Variants in CSDC2 observed in about 807,000 individuals in gnomAD.
The protein encoded by CSDC2 is cold shock domain containing C2, also known as cold shock domain-containing protein C2.
In CSDC2, 8 loss-of-function variants were observed where a neutral mutation model predicts 15.8. The observed-to-expected ratio is 0.51, with a 90% CI of 0.30 to 0.92. The LOEUF (loss-of-function observed/expected upper bound fraction) is 0.92. Among genes scored for constraint, CSDC2 ranks in the 40% least tolerant of loss-of-function variants. The pLI is 0.07. For synonymous variants in CSDC2, 96 were observed against 92.3 expected (o/e 1.04, Z -0.23); for missense variants, 195 against 213.3 (o/e 0.91, Z 0.53).
At chr22:41,562,642 C>T (rs943659938) in intron 1 of CSDC2, among the ~76,000 whole-genome samples, 1 of 152,092 alleles carries the variant, frequency 6.6e-6, no homozygotes, top group Admixed American at 6.5e-5. Context: ...GGGTAGAGGG[C>T]GCTCAGGACC....
chr22:41,565,896 CAG>C (rs776892236), intron 1 of CSDC2, among the ~76,000 whole-genome samples: 3 of 152,186 alleles, frequency 2.0e-5, no homozygotes, highest in Admixed American at 6.5e-5. Context: ...GGCCGGGGGA[CAG>C]GGGGATGCAC....
intron 1 of CSDC2, among the ~76,000 whole-genome samples, chr22:41,569,894 C>T (rs150114019): frequency 1.4e-3 from 218 of 151,650 alleles, no homozygotes; most frequent in African/African-American, 5.2e-3. Context: ...ATTCTCATGC[C>T]TCAGCCTTCT....
intron 1 of CSDC2, among the ~76,000 whole-genome samples, chr22:41,564,033 G>A (rs867346878): frequency 5.4e-5 from 8 of 148,834 alleles, no homozygotes; most frequent in African/African-American, 9.9e-5. Context: ...GCAGTGAGCC[G>A]AGATCGCACC....
At chr22:41,566,677 C>T (rs1293386798) in intron 1 of CSDC2, among the ~76,000 whole-genome samples, 4 of 148,314 alleles carry the variant, frequency 2.7e-5, no homozygotes, top group Non-Finnish European at 4.4e-5. Flanking sequence ...CAGTGGCTCA[C>T]GCCTGTAATC....
chr22:41,571,002 AAGGATC>A (rs2067142946), intron 1 of CSDC2, among the ~76,000 whole-genome samples: 1 of 151,204 alleles, frequency 6.6e-6, no homozygotes. Context: ...AAAAAAAACA[AAGGATC>A]AATGCTAGCC....
Position 41,572,128 on chromosome 22 carries a change from A to G in CSDC2, c.163A>G (p.Arg55Gly). 1 of 1,334,282 alleles carries G rather than the reference A, an allele frequency of 7.5e-7. No individual in the cohort carries two copies. The highest frequency in any genetic ancestry group is 2.6e-5 in the South Asian group (1 of 39,088). 82.7% of individuals were successfully genotyped at this position (1,334,282 alleles called of 1,614,324 possible). The change falls in exon 2 of 4, where the codon AGG becomes GGG. Residue 55 changes from arginine to glycine, a missense_variant. Transcript: ENST00000306149. ...CAGCCCTCTGCCCACCAAGCGGACC[A>G]GGACCTATTCAGCGTGAGTACCTGC... ...LPSPLPTKRT[R>G]TYSATARASA...
chr22:41,574,725 C>T lies in CSDC2; in HGVS notation c.300-8C>T. The T allele has an allele frequency of 6.2e-7, 1 of 1,613,170 alleles. No homozygotes were observed. The highest frequency in any genetic ancestry group is 8.5e-7 in the Non-Finnish European group (1 of 1,179,818). Reference sequence around the variant, plus strand: ...TGCTGGGCTAATACCCCTCTTCCTGCCCGCCAGCATCGAGGGGGAGTACGT... The same window carrying T: ...TGCTGGGCTAATACCCCTCTTCCTGTCCGCCAGCATCGAGGGGGAGTACGT... On this transcript the variant is annotated splice_polypyrimidine_tract_variant and splice_region_variant and intron_variant, in intron 3 of 3. Coordinates refer to ENST00000306149, the MANE Select transcript of CSDC2 (RefSeq NM_014460.4).
At chr22:41,567,587 T>C (rs1204488624) in intron 1 of CSDC2, among the ~76,000 whole-genome samples, 1 of 152,246 alleles carries the variant, frequency 6.6e-6, no homozygotes, top group Admixed American at 6.5e-5. Context: ...CTGGGCATTG[T>C]ACAGCTCCTC....
At chr22:41,570,298 T>A (rs759680907) in intron 1 of CSDC2, among the ~76,000 whole-genome samples, 5 of 151,968 alleles carry the variant, frequency 3.3e-5, no homozygotes, top group Non-Finnish European at 5.9e-5. Flanking sequence ...GGAGGGAGGA[T>A]ACTACTCCAC....
chr22:41,566,040 C>G (rs2145596734), intron 1 of CSDC2, among the ~76,000 whole-genome samples: 1 of 151,862 alleles, frequency 6.6e-6, no homozygotes, highest in South Asian at 2.1e-4. Flanking sequence ...CGCAGTGGCT[C>G]ATGCCTGAAA....
intron 1 of CSDC2, among the ~76,000 whole-genome samples, chr22:41,564,068 A>ATCTGG (rs2067101106): frequency 2.7e-5 from 4 of 145,688 alleles, no homozygotes; most frequent in Non-Finnish European, 6.0e-5. Context: ...TGGGCGACAC[A>ATCTGG]GCAAGACTCC....
chr22:41,575,164 C>T lies in CSDC2; in HGVS notation c.*269C>T. 2 of 523,932 alleles carry T rather than the reference C, an allele frequency of 3.8e-6. No individual in the cohort carries two copies. Among genetic ancestry groups the T allele is most frequent in the Non-Finnish European group, 3.4e-6 (1 of 291,898 alleles). The allele number at this position is 523,932 out of a possible 1,614,324, so 32.5% of individuals were successfully genotyped here. A position where few individuals can be genotyped will look rare whatever the true frequency, so the allele number is the denominator to read the frequency against. On this transcript the variant is annotated 3_prime_UTR_variant, in exon 4 of 4. Coordinates refer to ENST00000306149, the MANE Select transcript of CSDC2 (RefSeq NM_014460.4). ...CGCTGTCCACTGCCTCTCTCCTCCC[C>T]TCCCTGCCGCAGACACGCAGGACCC...
At position 41,574,899 on chromosome 22, in the gene CSDC2, G is replaced by A; in HGVS notation, c.*4G>A. ...TGGCCAGGTCGTGGGCTCCTAGGCTGAGTGGTTCACAGGCCAGCTGGCCGG... is the reference window on the plus strand; with the variant it reads ...TGGCCAGGTCGTGGGCTCCTAGGCTAAGTGGTTCACAGGCCAGCTGGCCGG... On this transcript the variant is annotated 3_prime_UTR_variant, in exon 4 of 4. Coordinates refer to ENST00000306149, the MANE Select transcript of CSDC2 (RefSeq NM_014460.4). The A allele has an allele frequency of 6.3e-7, 1 of 1,583,656 alleles. No individual in the cohort carries two copies. The highest frequency in any genetic ancestry group is 8.6e-7 in the Non-Finnish European group (1 of 1,165,412).
chr22:41,561,583 TGCTGGTCCTTCCCCTGGAATGTTGG>T lies in CSDC2; in HGVS notation c.-124+406_-124+430del, dbSNP rs2067085387. Among the ~76,000 whole-genome samples, 3 of 152,352 alleles carry T rather than the reference TGCTGGTCCTTCCCCTGGAATGTTGG, an allele frequency of 2.0e-5. No individual in the cohort carries two copies. In the South Asian group the frequency reaches 6.2e-4, roughly 32 times the overall value. On this transcript the variant is annotated intron_variant, in intron 1 of 3. Coordinates refer to ENST00000306149, the MANE Select transcript of CSDC2 (RefSeq NM_014460.4). ...GAAAGCAGAGTGCAGCAGGGACCCT[TGCTGGTCCTTCCCCTGGAATGTTGG>T]GCTGGGAAGGGACCGGCTGGGAAAG...
intron 2 of CSDC2, among the ~76,000 whole-genome samples, chr22:41,573,426 A>G (rs1366506561): frequency 6.6e-6 from 1 of 151,662 alleles, no homozygotes; most frequent in Non-Finnish European, 1.5e-5. Context: ...TCAAACTCCT[A>G]GGCCCAAGTG....
rs2067175451 is a variant in CSDC2 at position 41,576,374 on chromosome 22, T to TC, written c.*1482dup. On this transcript the variant is annotated 3_prime_UTR_variant, in exon 4 of 4. Coordinates refer to ENST00000306149, the MANE Select transcript of CSDC2 (RefSeq NM_014460.4). ...CCTAAAATGGGCACGGCCCAGCCTG[T>TC]CCCATGAGGAATAAAGGCCCCTGGC... 4 of 152,310 alleles carry TC rather than the reference T, an allele frequency of 2.6e-5. No homozygotes were observed. In the South Asian group the frequency reaches 8.3e-4, roughly 32 times the overall value. 9.4% of individuals were successfully genotyped at this position (152,310 alleles called of 1,614,324 possible). A position where few individuals can be genotyped will look rare whatever the true frequency, so the allele number is the denominator to read the frequency against.
At chr22:41,572,375 C>CCCATCCAT (rs2067150583) in intron 2 of CSDC2, among the ~76,000 whole-genome samples, 1 of 42,780 alleles carries the variant, frequency 2.3e-5, no homozygotes. Context: ...CACCCACCCA[C>CCCATCCAT]CCACCCACCC....
In CSDC2 at chr22:41,574,868, G is replaced by A. The variant is rs139314871; in HGVS notation, c.435G>A (p.Thr145=). The A allele has an allele frequency of 2.1e-4, 333 of 1,606,326 alleles. 2 individuals carry two copies. In the African/African-American group the frequency reaches 4.0e-3, roughly 19 times the overall value. The change falls in exon 4 of 4, where the codon ACG becomes ACA. Residue 145 remains threonine, a synonymous_variant. Coordinates refer to ENST00000306149, the MANE Select transcript of CSDC2 (RefSeq NM_014460.4). Reference sequence around the variant, plus strand: ...TGGCCCCCCACACTCCCCACGAGACGTGGTCTGGCCAGGTCGTGGGCTCCT... The same window carrying A: ...TGGCCCCCCACACTCCCCACGAGACATGGTCTGGCCAGGTCGTGGGCTCCT... ...TQLAPHTPHE[T]WSGQVVGS
At chr22:41,563,289 G>A in intron 1 of CSDC2, among the ~76,000 whole-genome samples, 1 of 152,072 alleles carries the variant, frequency 6.6e-6, no homozygotes. Context: ...CTGGGGGAGG[G>A]GGAGGAGCCA....
Sources: allele counts gnomAD v4.1 joint callset (sites outside exome capture counted in the v4.1 genomes callset), GRCh38; gene constraint gnomAD v4.1.1; transcripts MANE v1.5; gene names NCBI Gene and HGNC (gene_info 2026-07-23, HGNC 2026-07-21).